The following ZNF608 variants were observed in gnomAD, a reference collection of about 807,000 sequenced individuals.
ZNF608 encodes zinc finger protein 608, also known as renal carcinoma antigen NY-REN-36.
Under a neutral mutation model 109.0 loss-of-function variants are expected in ZNF608, and 12 were observed. The observed-to-expected ratio is 0.11, with a 90% CI of 0.07 to 0.18. ZNF608 has a LOEUF of 0.18. Among genes scored for constraint, ZNF608 ranks in the 10% least tolerant of loss-of-function variants. ZNF608 has a pLI of 1.00. For synonymous variants in ZNF608, 732 were observed against 717.4 expected (o/e 1.02, Z -0.33); for missense variants, 1,707 against 1,879.3 (o/e 0.91, Z 1.70).
chr5:124,707,872 G>A (rs1335858291), intron 2 of ZNF608: 1 of 152,210 alleles, frequency 6.6e-6, no homozygotes, highest in Non-Finnish European at 1.5e-5. Flanking sequence ...TGTAACAACT[G>A]AATTTTGGTC....
intron 3 of ZNF608, among the ~76,000 whole-genome samples, chr5:124,663,776 T>C (rs1024405116): frequency 5.9e-5 from 9 of 152,204 alleles, no homozygotes; most frequent in African/African-American, 2.2e-4. Flanking sequence ...CTCCAAGATA[T>C]GTGAAAGTAA....
intron 2 of ZNF608, chr5:124,710,092 C>A: frequency 2.8e-6 from 1 of 363,280 alleles, no homozygotes; most frequent in Non-Finnish European, 5.4e-6. Context: ...TGATATTGGT[C>A]ATTGATAAAT....
chr5:124,639,272 G>A (rs2149779043), intron 8 of ZNF608, 58 bp from the exon 9 acceptor site: 1 of 1,517,966 alleles, frequency 6.6e-7, no homozygotes, highest in South Asian at 1.1e-5. Flanking sequence ...AGTAGATACA[G>A]GCCCAGTGGA....
intron 2 of ZNF608, among the ~76,000 whole-genome samples, chr5:124,734,058 T>C (rs531030655): frequency 6.6e-6 from 1 of 152,326 alleles, no homozygotes; most frequent in Non-Finnish European, 1.5e-5. Context: ...TGTGCAGTTC[T>C]TACTCAGAAA....
In ZNF608 at chr5:124,744,307, T is replaced by G. The variant is rs746485283; in HGVS notation, c.683A>C (p.Gln228Pro). The change falls in exon 2 of 10, where the codon CAG becomes CCG. Residue 228 changes from glutamine to proline, a missense_variant. Physicochemically the swap from Gln to Pro is moderately conservative, Grantham distance 76 (BLOSUM62 -1). Coordinates refer to ENST00000513986, the MANE Select transcript of ZNF608 (RefSeq NM_020747.3). The surrounding 1 kb of genome is among the most constrained non-coding windows in gnomAD (Gnocchi z 4.5). ...LQGHQNGSGSQAPSGGHLYGF... is the reference protein window; with the variant it reads ...LQGHQNGSGSPAPSGGHLYGF... The stretch of plus-strand genomic sequence containing the variant: ...ATAGAGGTGCCCCCCGGAAGGGGCC[T>G]GGCTGCCACTGCCATTCTGGTGGCC... The G allele has an allele frequency of 3.9e-5, 63 of 1,614,002 alleles. No individual in the cohort carries two copies. The highest frequency in any genetic ancestry group is 5.3e-5 in the Non-Finnish European group (63 of 1,180,038).
intron 2 of ZNF608, among the ~76,000 whole-genome samples, chr5:124,726,774 T>A (rs1210163095): frequency 3.9e-5 from 6 of 152,080 alleles, no homozygotes; most frequent in African/African-American, 1.4e-4. Flanking sequence ...AGGCCCTGCA[T>A]GACCTGGCCT....
At chr5:124,709,777 C>T (rs1398029185) in intron 2 of ZNF608, among the ~76,000 whole-genome samples, 1 of 152,158 alleles carries the variant, frequency 6.6e-6, no homozygotes, top group Admixed American at 6.5e-5. Flanking sequence ...TCCTCTCATC[C>T]CATTTCCAAA....
intron 2 of ZNF608, among the ~76,000 whole-genome samples, chr5:124,738,708 C>T (rs893478972): frequency 6.6e-5 from 10 of 152,188 alleles, no homozygotes; most frequent in African/African-American, 1.9e-4. Flanking sequence ...TTATCCCCCT[C>T]CCACAAGACA....
At chr5:124,638,950 G>T in intron 9 of ZNF608, 183 bp downstream of exon 9, 1 of 805,124 alleles carries the variant, frequency 1.2e-6, no homozygotes, top group African/African-American at 1.7e-5. Context: ...AACCCTTACA[G>T]AATGAGGTTC....
intron 8 of ZNF608, 67 bp from the exon 9 acceptor site, chr5:124,639,281 G>T (rs910994273): frequency 7.2e-7 from 1 of 1,390,506 alleles, no homozygotes; most frequent in African/African-American, 1.4e-5. Flanking sequence ...AGGCCCAGTG[G>T]AGAAGGGCCG....
intron 3 of ZNF608, among the ~76,000 whole-genome samples, chr5:124,666,709 CTGTGTGTGTGTGTGTGTGTGTGTG>C (rs10546271): frequency 3.5e-5 from 5 of 140,944 alleles, no homozygotes; most frequent in African/African-American, 7.9e-5. Context: ...TGGGTTTGCT[CTGTGTGTGTGTGTGTGTGTGTGTG>C]TGTGTGTGTG....
intron 3 of ZNF608, among the ~76,000 whole-genome samples, chr5:124,699,837 A>G (rs1023581463): frequency 6.6e-6 from 1 of 151,926 alleles, no homozygotes; most frequent in Admixed American, 6.6e-5. Flanking sequence ...TTTTTTCTCA[A>G]CTACTTCTTG....
chr5:124,683,357 T>C (rs1752275350), intron 3 of ZNF608, among the ~76,000 whole-genome samples: 1 of 152,184 alleles, frequency 6.6e-6, no homozygotes, highest in Admixed American at 6.5e-5. Flanking sequence ...TCTAGAATAA[T>C]GTGCTACATA....
chr5:124,741,088 G>T (rs1398844762), intron 2 of ZNF608, among the ~76,000 whole-genome samples: 2 of 152,126 alleles, frequency 1.3e-5, no homozygotes, highest in Non-Finnish European at 2.9e-5. Flanking sequence ...CATGTCACTG[G>T]TGGCTTAACC....
intron 3 of ZNF608, among the ~76,000 whole-genome samples, chr5:124,659,332 G>C (rs187252553): frequency 6.6e-6 from 1 of 152,138 alleles, no homozygotes; most frequent in Non-Finnish European, 1.5e-5. Context: ...CTAAAAGGGC[G>C]TAGAAGGGTG....
At position 124,643,742 on chromosome 5, in the gene ZNF608, T is replaced by A. The variant is rs1750360360; in HGVS notation, c.4124-59A>T. The stretch of plus-strand genomic sequence containing the variant: ...CAGGCTATATCTTTAAAAAAAATCA[T>A]TTGGGTTACATGAATTTGGGATAAG... On this transcript the variant is annotated intron_variant, in intron 6 of 9. Transcript: ENST00000513986. 5.8e-6 allele frequency: 9 copies of A among 1,564,466 alleles called. No individual in the cohort carries two copies. In the South Asian group the frequency reaches 9.4e-5, roughly 16 times the overall value.
chr5:124,661,523 A>G (rs997004315), intron 3 of ZNF608, among the ~76,000 whole-genome samples: 5 of 151,462 alleles, frequency 3.3e-5, no homozygotes, highest in African/African-American at 1.2e-4. Context: ...AAGTATTTCA[A>G]TAACGTGCTT....
chr5:124,730,180 T>G (rs930115133), intron 2 of ZNF608, among the ~76,000 whole-genome samples: 3 of 152,218 alleles, frequency 2.0e-5, no homozygotes, highest in African/African-American at 7.2e-5. Context: ...AATGCACAAG[T>G]GATTTGAAGA....
intron 2 of ZNF608, among the ~76,000 whole-genome samples, chr5:124,735,923 G>A (rs1406321823): frequency 1.3e-5 from 2 of 151,870 alleles, no homozygotes; most frequent in Non-Finnish European, 2.9e-5. Context: ...GATGTCAAAC[G>A]ATACAAGGGG....
Sources: allele counts gnomAD v4.1 joint callset (sites outside exome capture counted in the v4.1 genomes callset), GRCh38; gene constraint gnomAD v4.1.1; non-coding constraint Gnocchi (gnomAD v3.1); transcripts MANE v1.5; gene names NCBI Gene and HGNC (gene_info 2026-07-23, HGNC 2026-07-21).